Variants in NCAM1 observed in about 807,000 individuals in gnomAD.
NCAM1 encodes neural cell adhesion molecule 1.
Under a neutral mutation model 109.8 loss-of-function variants are expected in NCAM1, and 14 were observed. That is an observed-to-expected ratio of 0.13 (90% CI 0.08 to 0.20). The LOEUF (loss-of-function observed/expected upper bound fraction) is 0.20, where lower values mean the gene tolerates loss of function less well. NCAM1 is among the 10% of genes least tolerant of loss of function. The pLI, the probability that NCAM1 is intolerant of heterozygous loss-of-function variation, is 1.00. For missense variants in NCAM1, 774 were observed against 1,109.9 expected, an observed-to-expected ratio of 0.70 and a Z score of 4.30; for synonymous variants, 418 against 442.9, an observed-to-expected ratio of 0.94 and a Z score of 0.70.
At chr11:112,972,912 A>C (rs1277299314) in intron 1 of NCAM1, among the ~76,000 whole-genome samples, 1 of 152,132 alleles carries the variant, frequency 6.6e-6, no homozygotes, top group Non-Finnish European at 1.5e-5. Flanking sequence ...TCCTGGGCGC[A>C]TTGAACTATG....
At chr11:113,142,145 G>T (rs1208946398) in intron 1 of NCAM1, among the ~76,000 whole-genome samples, 1 of 152,112 alleles carries the variant, frequency 6.6e-6, no homozygotes, top group Non-Finnish European at 1.5e-5. Flanking sequence ...CTTAGTACTA[G>T]GCTCTTTACA....
At chr11:112,996,912 A>G (rs146708042) in intron 1 of NCAM1, among the ~76,000 whole-genome samples, 26 of 152,316 alleles carry the variant, frequency 1.7e-4, no homozygotes, top group Non-Finnish European at 3.5e-4. Context: ...TGCAGACATT[A>G]CTGGTAAGGG....
At position 113,242,030 on chromosome 11, in the gene NCAM1, A is replaced by G. The variant is rs1454144365; in HGVS notation, c.1826-4338A>G. 3.3e-5 allele frequency among the ~76,000 whole-genome samples: 5 copies of G among 152,216 alleles called. No individual in the cohort carries two copies. In the East Asian group the frequency reaches 9.6e-4, roughly 29 times the overall value. On this transcript the variant is annotated intron_variant, in intron 14 of 19. Transcript: ENST00000316851. ...TTGGAAGTAGACAGACCTGGGTTCA[A>G]ATCACAGCTCCGCTTCTTCCGCCTG...
At chr11:113,003,446 GT>G (rs1331002091) in intron 1 of NCAM1, among the ~76,000 whole-genome samples, 1 of 152,102 alleles carries the variant, frequency 6.6e-6, no homozygotes, top group Non-Finnish European at 1.5e-5. Context: ...ACTCAGCTTG[GT>G]TTTTCTTTTT....
chr11:113,243,678 A>G (rs1945412418), intron 14 of NCAM1: 3 of 488,782 alleles, frequency 6.1e-6, no homozygotes, highest in Non-Finnish European at 1.3e-5. Context: ...GTGCATGTTC[A>G]TAGTGTTCAA....
intron 14 of NCAM1, chr11:113,235,456 G>C: frequency 1.5e-6 from 1 of 669,588 alleles, no homozygotes; most frequent in South Asian, 1.4e-5. Flanking sequence ...AGGAAGTGGG[G>C]AGAAAACCAG....
intron 1 of NCAM1, among the ~76,000 whole-genome samples, chr11:113,181,617 G>A (rs1349811641): frequency 1.3e-5 from 2 of 152,056 alleles, no homozygotes; most frequent in Non-Finnish European, 2.9e-5. Context: ...AAACCACCAT[G>A]GCGCATGTTT....
intron 1 of NCAM1, among the ~76,000 whole-genome samples, chr11:112,983,711 A>T (rs1951215519): frequency 6.6e-6 from 1 of 152,016 alleles, no homozygotes. Context: ...CATGCTCCTC[A>T]TCAACTTGGA....
chr11:113,194,179 T>G (rs1000087888), intron 1 of NCAM1, among the ~76,000 whole-genome samples: 1 of 152,184 alleles, frequency 6.6e-6, no homozygotes, highest in Non-Finnish European at 1.5e-5. Context: ...GTTACTAGAG[T>G]TGCGTAGGAT....
At chr11:113,226,688 C>T (rs1266080336) in intron 9 of NCAM1, among the ~76,000 whole-genome samples, 1 of 152,196 alleles carries the variant, frequency 6.6e-6, no homozygotes, top group African/African-American at 2.4e-5. Flanking sequence ...AAGTAAAGCA[C>T]TCCTCAGCAA....
At chr11:113,073,591 T>A (rs1239170750) in intron 1 of NCAM1, among the ~76,000 whole-genome samples, 2 of 152,262 alleles carry the variant, frequency 1.3e-5, no homozygotes, top group African/African-American at 4.8e-5. Flanking sequence ...AAGGTTATTT[T>A]ATGTTAATTT....
At chr11:113,081,354 C>T (rs954534248) in intron 1 of NCAM1, among the ~76,000 whole-genome samples, 1 of 152,094 alleles carries the variant, frequency 6.6e-6, no homozygotes, top group African/African-American at 2.4e-5. Flanking sequence ...GACGGTTCCC[C>T]GGTGCTTGCC....
chr11:113,249,775 A>C (rs1206560582), intron 15 of NCAM1, among the ~76,000 whole-genome samples: 2 of 152,198 alleles, frequency 1.3e-5, no homozygotes, highest in Non-Finnish European at 2.9e-5. Flanking sequence ...CACCTGCGAG[A>C]AGGGAACTGG....
rs1555125985 is a variant in NCAM1 at position 113,273,677 on chromosome 11, C to A, written c.2457-1590C>A. 2.2e-6 allele frequency: 1 copy of A among 456,244 alleles called. No individual in the cohort carries two copies. The highest frequency in any genetic ancestry group is 4.4e-6 in the Non-Finnish European group (1 of 226,636). The allele number at this position is 456,244 out of a possible 1,614,324, so 28.3% of individuals were successfully genotyped here. A position where few individuals can be genotyped will look rare whatever the true frequency, so the allele number is the denominator to read the frequency against. Reference sequence around the variant, plus strand: ...GCTCTCCTGCTCCCGCCGCTGGGGCCAGTGGACAAGCCCCTGAGCTTGCTC... The same window carrying A: ...GCTCTCCTGCTCCCGCCGCTGGGGCAAGTGGACAAGCCCCTGAGCTTGCTC... On this transcript the variant is annotated intron_variant, in intron 19 of 19. Transcript: ENST00000316851. The surrounding 1 kb of genome is among the most constrained non-coding windows in gnomAD (Gnocchi z 6.0).
At chr11:113,091,036 AT>A (rs1939320539) in intron 1 of NCAM1, among the ~76,000 whole-genome samples, 2 of 152,310 alleles carry the variant, frequency 1.3e-5, no homozygotes, top group African/African-American at 4.8e-5. Flanking sequence ...GAACAGAATA[AT>A]AGTGACTTGG....
At chr11:113,256,083 A>G in intron 16 of NCAM1, 82 bp downstream of exon 16, 1 of 1,491,578 alleles carries the variant, frequency 6.7e-7, no homozygotes, top group Non-Finnish European at 9.1e-7. Context: ...GGGGCAGCCC[A>G]CGGGGCAGGG....
intron 1 of NCAM1, among the ~76,000 whole-genome samples, chr11:113,034,083 T>C (rs1344222553): frequency 6.6e-6 from 1 of 152,222 alleles, no homozygotes; most frequent in Non-Finnish European, 1.5e-5. Flanking sequence ...TCTTTCATTT[T>C]GTGCTGTTGA....
At chr11:113,086,025 C>T (rs1418076247) in intron 1 of NCAM1, among the ~76,000 whole-genome samples, 1 of 152,202 alleles carries the variant, frequency 6.6e-6, no homozygotes, top group Non-Finnish European at 1.5e-5. Context: ...AGCAGTAATG[C>T]TATACCTTGG....
chr11:112,999,867 T>C (rs546496332), intron 1 of NCAM1, among the ~76,000 whole-genome samples: 1 of 152,338 alleles, frequency 6.6e-6, no homozygotes, highest in African/African-American at 2.4e-5. Context: ...CATTGCTCAC[T>C]GTGAGAAGTA....
Sources: allele counts gnomAD v4.1 joint callset (sites outside exome capture counted in the v4.1 genomes callset), GRCh38; gene constraint gnomAD v4.1.1; non-coding constraint Gnocchi (gnomAD v3.1); transcripts MANE v1.5; gene names NCBI Gene and HGNC (gene_info 2026-07-23, HGNC 2026-07-21).